The following SYNGR1 variants were observed in gnomAD, a reference collection of about 807,000 sequenced individuals.
The protein encoded by SYNGR1 is synaptogyrin-1.
In SYNGR1, 14 loss-of-function variants were observed where a neutral mutation model predicts 26.1. The observed-to-expected ratio is 0.54, with a 90% confidence interval of 0.35 to 0.84. The LOEUF (loss-of-function observed/expected upper bound fraction) is 0.84, where lower values mean the gene tolerates loss of function less well. Ranked by LOEUF, SYNGR1 falls within the 40% of genes least tolerant of loss-of-function variation. The pLI, the probability that SYNGR1 is intolerant of heterozygous loss-of-function variation, is 0.01. For missense variants in SYNGR1, 319 were observed against 332.9 expected, an observed-to-expected ratio of 0.96 and a Z score of 0.33; for synonymous variants, 141 against 150.1, an observed-to-expected ratio of 0.94 and a Z score of 0.44.
Position 39,384,945 on chromosome 22 carries a change from C to T in SYNGR1, c.*3031C>T. ...TCCTGGGCAGTCACAGACTGTCCTG[C>T]CTGCACGGCTCCTATCCACCTGGGG... On this transcript the variant is annotated 3_prime_UTR_variant, in exon 4 of 4. Coordinates refer to ENST00000328933, the MANE Select transcript of SYNGR1 (RefSeq NM_004711.5). 2.5e-6 allele frequency: 1 copy of T among 398,988 alleles called. No homozygotes were observed. Among genetic ancestry groups the T allele is most frequent in the Non-Finnish European group, 4.4e-6 (1 of 226,210 alleles). 24.7% of individuals were successfully genotyped at this position (398,988 alleles called of 1,614,324 possible).
intron 1 of SYNGR1, among the ~76,000 whole-genome samples, chr22:39,363,592 G>A (rs1924589982): frequency 6.6e-6 from 1 of 152,094 alleles, no homozygotes; most frequent in African/African-American, 2.4e-5. Flanking sequence ...AAGGACTCAT[G>A]GCCCAAGCAG....
intron 1 of SYNGR1, among the ~76,000 whole-genome samples, chr22:39,360,370 C>T (rs1206262529): frequency 6.6e-6 from 1 of 152,184 alleles, no homozygotes; most frequent in Non-Finnish European, 1.5e-5. Context: ...GTCACCGTCT[C>T]CAGGGTTTCT....
chr22:39,367,752 G>A (rs1924830633), intron 1 of SYNGR1, among the ~76,000 whole-genome samples: 1 of 151,424 alleles, frequency 6.6e-6, no homozygotes, highest in Non-Finnish European at 1.5e-5. Context: ...GAACCCAAGA[G>A]GCAAAGGTTG....
At position 39,382,017 on chromosome 22, in the gene SYNGR1, C is replaced by T; in HGVS notation, c.*103C>T. ...GCCCTGCCCAGCGCCTCATCAGCCTCTGCCTTGTCCCACTGAGGTCCAGGG... is the reference window on the plus strand; with the variant it reads ...GCCCTGCCCAGCGCCTCATCAGCCTTTGCCTTGTCCCACTGAGGTCCAGGG... On this transcript the variant is annotated 3_prime_UTR_variant, in exon 4 of 4. Transcript: ENST00000328933. 7.6e-7 allele frequency: 1 copy of T among 1,319,736 alleles called. No homozygotes were observed. The highest frequency in any genetic ancestry group is 1.1e-6 in the Non-Finnish European group (1 of 951,088). The allele number at this position is 1,319,736 out of a possible 1,614,324, so 81.8% of individuals were successfully genotyped here. A position where few individuals can be genotyped will look rare whatever the true frequency, so the allele number is the denominator to read the frequency against.
rs1245180790 is a variant in SYNGR1, at chr22:39,385,459, C to T, written c.*3545C>T. ...ACCCCCCCACCACCTGGTTAAGTCT[C>T]GAGTGAATCCAGTGGCCCCGTGGCA... is the stretch of plus-strand genomic sequence containing the variant. On this transcript the variant is annotated 3_prime_UTR_variant, in exon 4 of 4. Transcript: ENST00000328933. The T allele has an allele frequency of 6.5e-6, 1 of 152,726 alleles. No individual in the cohort carries two copies. Among genetic ancestry groups the T allele is most frequent in the African/African-American group, 2.4e-5 (1 of 41,426 alleles). 9.5% of individuals were successfully genotyped at this position (152,726 alleles called of 1,614,324 possible).
intron 3 of SYNGR1, chr22:39,379,739 C>T (rs764834359): frequency 1.3e-5 from 2 of 152,070 alleles, no homozygotes; most frequent in South Asian, 4.1e-4. Flanking sequence ...CACTAAGTGG[C>T]TCTTTAGGTT....
At chr22:39,375,698 G>GGGGGTTT (rs1256844144) in intron 2 of SYNGR1, 1 of 586,778 alleles carries the variant, frequency 1.7e-6, no homozygotes, top group African/African-American at 1.9e-5. Flanking sequence ...GGCTGGACAT[G>GGGGGTTT]GGGGTTTGGC....
In SYNGR1 at chr22:39,381,882, G is replaced by A. The variant is rs200826085; in HGVS notation, c.670G>A (p.Glu224Lys). 53 of 1,612,492 alleles carry A rather than the reference G, an allele frequency of 3.3e-5. No individual in the cohort carries two copies. Among genetic ancestry groups the A allele is most frequent in the Middle Eastern group, 3.3e-4 (2 of 6,082 alleles). The change falls in exon 4 of 4, where the codon GAG (glutamate) becomes AAG (lysine). Residue 224 changes from glutamate (E) to lysine (K), a missense_variant. Coordinates refer to ENST00000328933, the MANE Select transcript of SYNGR1 (RefSeq NM_004711.5). The stretch of plus-strand genomic sequence containing the variant: ...GCAGCCGGCCAACACCTTCGACACC[G>A]AGCCCCAGGGCTACCAGTCGCAGGG... The part of the protein sequence containing the change: ...YQQPANTFDT[E>K]PQGYQSQGY
At chr22:39,370,921 G>A (rs765837402) in intron 1 of SYNGR1, among the ~76,000 whole-genome samples, 16 of 152,072 alleles carry the variant, frequency 1.1e-4, no homozygotes, top group South Asian at 2.1e-4. Context: ...GCACCTGGCC[G>A]GTCTCTAAAC....
At chr22:39,377,997 ATC>A in intron 3 of SYNGR1, 1 of 1,225,446 alleles carries the variant, frequency 8.2e-7, no homozygotes, top group South Asian at 1.5e-5. Flanking sequence ...ACACATCAAT[ATC>A]TCTTCCAAAT....
At chr22:39,362,478 C>T (rs16985819) in intron 1 of SYNGR1, among the ~76,000 whole-genome samples, 2,214 of 152,146 alleles carry the variant, frequency 0.015, 47 homozygotes, top group African/African-American at 0.051. Flanking sequence ...CAGAGTGAGA[C>T]TCTTCAGGAA....
At position 39,382,781 on chromosome 22, in the gene SYNGR1, C is replaced by G. The variant is rs1280121282; in HGVS notation, c.*867C>G. ...CACATCCCCCTGGTCCTACCCCTGG[C>G]CCTTGGCCTCCTCCAAGAGGGCTCA... is the stretch of plus-strand genomic sequence containing the variant. On this transcript the variant is annotated 3_prime_UTR_variant, in exon 4 of 4. Transcript: ENST00000328933. The G allele has an allele frequency of 6.5e-6, 1 of 152,934 alleles. No homozygotes were observed. Among genetic ancestry groups the G allele is most frequent in the African/African-American group, 2.4e-5 (1 of 41,470 alleles). 9.5% of individuals were successfully genotyped at this position (152,934 alleles called of 1,614,324 possible). A position where few individuals can be genotyped will look rare whatever the true frequency, so the allele number is the denominator to read the frequency against.
chr22:39,351,593 G>A (rs902752902), intron 1 of SYNGR1, among the ~76,000 whole-genome samples: 44 of 152,256 alleles, frequency 2.9e-4, no homozygotes, highest in African/African-American at 9.9e-4. Flanking sequence ...GGTGGGCTGC[G>A]TTCACTGCTT....
intron 3 of SYNGR1, 129 bp from the exon 4 acceptor site, chr22:39,381,567 T>G (rs1925498414): frequency 1.1e-6 from 1 of 927,452 alleles, no homozygotes; most frequent in African/African-American, 1.6e-5. Flanking sequence ...TGTTTGGTGC[T>G]TTGAGGATCT....
rs879475246 is a variant in SYNGR1, at chr22:39,357,264, CA to C, written c.99+7168del. On this transcript the variant is annotated intron_variant, in intron 1 of 3. Transcript: ENST00000328933. ...CAGGCAACAGAGCAAGACTCTGTTTCAAAAAAAAAAAAAGTGATGTTTGGAG... is the reference window on the plus strand; with the variant it reads ...CAGGCAACAGAGCAAGACTCTGTTTCAAAAAAAAAAAAGTGATGTTTGGAG... 2.2e-3 allele frequency among the ~76,000 whole-genome samples: 304 copies of C among 139,888 alleles called. 1 individual carries two copies. The highest frequency in any genetic ancestry group is 0.011 in the Middle Eastern group (3 of 278). The allele number at this position is 139,888 out of a possible 152,430, so 91.8% of individuals were successfully genotyped here.
intron 1 of SYNGR1, among the ~76,000 whole-genome samples, chr22:39,373,552 G>A (rs576920920): frequency 1.3e-5 from 2 of 152,122 alleles, no homozygotes; most frequent in East Asian, 3.9e-4. Context: ...GCATGATCAC[G>A]GTTCACTACA....
chr22:39,375,277 G>A (rs1309097787), intron 2 of SYNGR1: 2 of 156,352 alleles, frequency 1.3e-5, no homozygotes, highest in African/African-American at 4.8e-5. Context: ...CTAAATGAAT[G>A]GTTCTCAAAC....
At chr22:39,380,356 G>A (rs1333854856) in intron 3 of SYNGR1, among the ~76,000 whole-genome samples, 1 of 152,140 alleles carries the variant, frequency 6.6e-6, no homozygotes, top group Non-Finnish European at 1.5e-5. Context: ...GGCTGTGGAA[G>A]TGGTCCAGGG....
intron 1 of SYNGR1, among the ~76,000 whole-genome samples, chr22:39,366,059 G>T (rs1326499072): frequency 2.1e-5 from 3 of 140,714 alleles, no homozygotes; most frequent in African/African-American, 5.3e-5. Flanking sequence ...GTATAGTGGT[G>T]CAATCAGAGC....
Sources: allele counts gnomAD v4.1 joint callset (sites outside exome capture counted in the v4.1 genomes callset), GRCh38; gene constraint gnomAD v4.1.1; transcripts MANE v1.5; gene names NCBI Gene and HGNC (gene_info 2026-07-23, HGNC 2026-07-21).